FOXO3B: variants seen among roughly 807,000 people sequenced by gnomAD.
The protein encoded by FOXO3B is forkhead box O3B, also known as forkhead box protein O3B.
FOXO3B carries 15 observed loss-of-function variants against 21.9 expected under a neutral mutation model. The ratio of observed to expected loss-of-function variants is 0.68; its 90% CI spans 0.46 to 1.05. FOXO3B has a LOEUF of 1.05. Ranked by LOEUF, FOXO3B falls within the 50% of genes least tolerant of loss-of-function variation. FOXO3B has a pLI of 0.00. For synonymous variants in FOXO3B, 135 were observed against 213.6 expected (o/e 0.63, Z 3.21); for missense variants, 293 against 435.5 (o/e 0.67, Z 2.91).
rs2032366391 is a variant in FOXO3B at position 18,671,677 on chromosome 17, T to C, written c.*632A>G. 6.2e-7 allele frequency: 1 copy of C among 1,613,754 alleles called. No homozygotes were observed. Among genetic ancestry groups the C allele is most frequent in the African/African-American group, 1.3e-5 (1 of 74,860 alleles). Reference sequence around the variant, plus strand: ...GAGCTCAGGCCCGAGCCCTTGGTGGTATACGGGAAGCTAGAACTCCGCTGC... The same window carrying C: ...GAGCTCAGGCCCGAGCCCTTGGTGGCATACGGGAAGCTAGAACTCCGCTGC... On this transcript the variant is annotated 3_prime_UTR_variant, in exon 4 of 4. Transcript: ENST00000395675.
At chr17:18,680,309 G>A (rs1907016898) in intron 3 of FOXO3B, among the ~76,000 whole-genome samples, 1 of 152,104 alleles carries the variant, frequency 6.6e-6, no homozygotes, top group Non-Finnish European at 1.5e-5. Flanking sequence ...GTGTTTCTTT[G>A]AACTATGTGA....
intron 3 of FOXO3B, among the ~76,000 whole-genome samples, chr17:18,675,982 A>G (rs1348716302): frequency 6.6e-6 from 1 of 152,234 alleles, no homozygotes; most frequent in African/African-American, 2.4e-5. Context: ...GCCAAAGATT[A>G]GAAGAACCAA....
intron 3 of FOXO3B, 53 bp downstream of exon 3, chr17:18,680,688 A>C: frequency 6.4e-7 from 1 of 1,563,022 alleles, no homozygotes; most frequent in Non-Finnish European, 8.8e-7. Context: ...AAGGGAGTGC[A>C]TCTGTACTCT....
chr17:18,680,828 A>G lies in FOXO3B; in HGVS notation c.39T>C (p.Val13=), dbSNP rs1235804198. The change falls in exon 3 of 4, where the codon GTT becomes GTC. Residue 13 remains valine (V), a splice_region_variant and synonymous_variant. Coordinates refer to ENST00000395675, the MANE Select transcript of FOXO3B (RefSeq NM_001368135.1). ...TDLAEMPEKG[V]LSSQDSPHFQ... is the part of the protein sequence containing the mutation. ...AATGGGGAGAATCCTGGGAAGACAG[A>G]ACTAACGACAAGAAAGCAGTAATGA... is the stretch of plus-strand genomic sequence containing the variant. The G allele has an allele frequency of 6.3e-7, 1 of 1,598,162 alleles. No homozygotes were observed. The highest frequency in any genetic ancestry group is 1.7e-5 in the Admixed American group (1 of 59,448).
chr17:18,679,227 T>C (rs2032543059), intron 3 of FOXO3B, among the ~76,000 whole-genome samples: 1 of 152,228 alleles, frequency 6.6e-6, no homozygotes, highest in Non-Finnish European at 1.5e-5. Context: ...CCGCTGCAAC[T>C]TAAAGCTTCT....
intron 3 of FOXO3B, among the ~76,000 whole-genome samples, chr17:18,674,499 A>G (rs949094180): frequency 3.1e-4 from 47 of 150,396 alleles, no homozygotes; most frequent in Middle Eastern, 3.4e-3. Flanking sequence ...GGTGGCGGGC[A>G]CCTGTAGTCC....
chr17:18,671,652 G>T lies in FOXO3B; in HGVS notation c.*657C>A. The stretch of plus-strand genomic sequence containing the variant: ...CGTGCTGTTAAAGGAGCTGGTTGGG[G>T]AGCTCAGGCCCGAGCCCTTGGTGGT... On this transcript the variant is annotated 3_prime_UTR_variant, in exon 4 of 4. Coordinates refer to ENST00000395675, the MANE Select transcript of FOXO3B (RefSeq NM_001368135.1). 2.5e-6 allele frequency: 4 copies of T among 1,613,998 alleles called. No individual in the cohort carries two copies. Among genetic ancestry groups the T allele is most frequent in the Non-Finnish European group, 3.4e-6 (4 of 1,180,034 alleles).
chr17:18,672,169 G>A lies in FOXO3B; in HGVS notation c.*140C>T. On this transcript the variant is annotated 3_prime_UTR_variant, in exon 4 of 4. Coordinates refer to ENST00000395675, the MANE Select transcript of FOXO3B (RefSeq NM_001368135.1). This position sits in a 1 kb window ranked among gnomAD's most constrained non-coding sequence, Gnocchi z 4.2. ...GGTATACTTGTTGCTATTGTCCATG[G>A]AGACAGCCCGCCGCCGGGGGGCTTT... The A allele has an allele frequency of 4.3e-6, 7 of 1,612,806 alleles. No homozygotes were observed. In the South Asian group the frequency reaches 6.6e-5, roughly 15 times the overall value.
At chr17:18,677,115 A>C (rs769693620) in intron 3 of FOXO3B, 3 of 679,422 alleles carry the variant, frequency 4.4e-6, no homozygotes, top group Non-Finnish European at 7.6e-6. Flanking sequence ...TTAAGTGTTG[A>C]CAAGCATGTG....
At chr17:18,677,590 C>G in intron 3 of FOXO3B, 1 of 1,602,926 alleles carries the variant, frequency 6.2e-7, no homozygotes, top group Non-Finnish European at 8.5e-7. Flanking sequence ...AGGGCCAAAG[C>G]CGGGCGGGCC....
intron 3 of FOXO3B, chr17:18,677,127 A>G: frequency 1.4e-6 from 1 of 729,294 alleles, no homozygotes; most frequent in Non-Finnish European, 2.3e-6. Flanking sequence ...AAGCATGTGG[A>G]ACAACTAGAA....
Position 18,671,727 on chromosome 17 carries a change from T to G in FOXO3B, c.*582A>C, listed in dbSNP as rs1391832698. On this transcript the variant is annotated 3_prime_UTR_variant, in exon 4 of 4. Transcript: ENST00000395675. ...CATGAGTCCCCCAGTGGGCGATGGC[T>G]GGGATGGCGGGAGCGTGATGTTATC... 2 of 1,613,698 alleles carry G rather than the reference T, an allele frequency of 1.2e-6. No individual in the cohort carries two copies. The highest frequency in any genetic ancestry group is 2.2e-5 in the East Asian group (1 of 44,882).
chr17:18,677,272 G>C, intron 3 of FOXO3B: 2 of 1,612,344 alleles, frequency 1.2e-6, no homozygotes, highest in Non-Finnish European at 1.7e-6. Context: ...GGTCTGTTCC[G>C]CATGAAACTC....
At position 18,669,599 on chromosome 17, in the gene FOXO3B, A is replaced by T. The variant is rs2032326070; in HGVS notation, c.*2710T>A. 1.3e-5 allele frequency: 2 copies of T among 152,634 alleles called. No individual in the cohort carries two copies. The highest frequency in any genetic ancestry group is 1.3e-4 in the Admixed American group (2 of 15,280). 9.5% of individuals were successfully genotyped at this position (152,634 alleles called of 1,614,324 possible). A position where few individuals can be genotyped will look rare whatever the true frequency, so the allele number is the denominator to read the frequency against. ...ACAGAAAGCACCTATACAGCACCAT[A>T]ACTTTTTGAAAACACAACAAAATGA... On this transcript the variant is annotated 3_prime_UTR_variant, in exon 4 of 4. Transcript: ENST00000395675.
intron 3 of FOXO3B, among the ~76,000 whole-genome samples, chr17:18,676,757 A>G (rs1163308420): frequency 6.7e-6 from 1 of 149,410 alleles, no homozygotes; most frequent in Non-Finnish European, 1.5e-5. Flanking sequence ...CTGGAGGGCA[A>G]TGGCATGATC....
Position 18,672,397 on chromosome 17 carries a change from C to A in FOXO3B, c.785G>T (p.Arg262Leu). ...TRAIESSPDR[R>L]LTLSQIYEWM... Reference sequence around the variant, plus strand: ...CTCGTAGATCTGGGACAGAGTGAGCCGTCTGTCCGGGGAGCTCTCGATGGC... The same window carrying A: ...CTCGTAGATCTGGGACAGAGTGAGCAGTCTGTCCGGGGAGCTCTCGATGGC... The change falls in exon 4 of 4, where the codon CGG becomes CTG. Residue 262 changes from arginine to leucine, a missense_variant. This residue lies in a region of FOXO3B where 251 missense variants were observed against 404.0 expected (regional missense o/e 0.62). Transcript: ENST00000395675. The surrounding 1 kb of genome is among the most constrained non-coding windows in gnomAD (Gnocchi z 4.2). The A allele has an allele frequency of 6.2e-7, 1 of 1,613,428 alleles. No homozygotes were observed. Among genetic ancestry groups the A allele is most frequent in the African/African-American group, 1.3e-5 (1 of 74,938 alleles).
In FOXO3B at chr17:18,677,302, C is replaced by CT. The variant is rs2032506693; in HGVS notation, c.126+3438dup. On this transcript the variant is annotated intron_variant, in intron 3 of 3. Transcript: ENST00000395675. Reference sequence around the variant, plus strand: ...AAACTCCTGCTGGGGAAGGACTTCCCTGCCTCCCCACCCAAGGGCTACTTC... The same window carrying CT: ...AAACTCCTGCTGGGGAAGGACTTCCCTTGCCTCCCCACCCAAGGGCTACTTC... The CT allele has an allele frequency of 8.7e-6, 14 of 1,613,756 alleles. No individual in the cohort carries two copies. In the East Asian group the frequency reaches 1.8e-4, roughly 21 times the overall value.
intron 3 of FOXO3B, among the ~76,000 whole-genome samples, chr17:18,679,180 A>G (rs536323768): frequency 1.3e-5 from 2 of 152,320 alleles, no homozygotes; most frequent in East Asian, 3.9e-4. Flanking sequence ...GTCAATAGTT[A>G]CTTCTTTTCA....
At chr17:18,673,160 G>T in intron 3 of FOXO3B, 105 bp from the exon 4 acceptor site, 1 of 1,309,232 alleles carries the variant, frequency 7.6e-7, no homozygotes, top group Non-Finnish European at 9.7e-7. Flanking sequence ...GTCTTGCCGC[G>T]CCCGCCTCCC....
Sources: gnomAD v4.1 joint callset for allele counts (sites outside exome capture counted in the v4.1 genomes callset) on GRCh38, gnomAD v4.1.1 for gene constraint, gnomAD v4.1.1 regional missense constraint, Gnocchi (gnomAD v3.1) non-coding constraint, MANE v1.5 for transcripts, NCBI Gene and HGNC (gene_info 2026-07-23, HGNC 2026-07-21) for gene names.